Variants in HK2 observed in about 807,000 individuals in gnomAD.
HK2 encodes the protein hexokinase 2.
HK2 carries 42 observed loss-of-function variants against 92.9 expected under a neutral mutation model. That is an observed-to-expected ratio of 0.45 (90% confidence interval 0.35 to 0.58). The LOEUF (loss-of-function observed/expected upper bound fraction) is 0.58. Among genes scored for constraint, HK2 ranks in the 20% least tolerant of loss-of-function variants. The pLI is 0.00. For missense variants in HK2, 978 were observed against 1,245.1 expected, an observed-to-expected ratio of 0.79 and a Z score of 3.23; for synonymous variants, 422 against 468.0, an observed-to-expected ratio of 0.90 and a Z score of 1.27.
chr2:74,871,808 G>A (rs1357898641), intron 3 of HK2, among the ~76,000 whole-genome samples: 1 of 152,132 alleles, frequency 6.6e-6, no homozygotes, highest in South Asian at 2.1e-4. Flanking sequence ...AGAGAATGCT[G>A]TCCCTGCAAA....
rs377064972 is a variant in HK2 at position 74,843,548 on chromosome 2, C to T, written c.63+8905C>T. Among the ~76,000 whole-genome samples the T allele has an allele frequency of 1.2e-4, 18 of 152,244 alleles. No individual in the cohort carries two copies. In the South Asian group the frequency reaches 2.1e-3, roughly 18 times the overall value. On this transcript the variant is annotated intron_variant, in intron 1 of 17. Coordinates refer to ENST00000290573, the MANE Select transcript of HK2 (RefSeq NM_000189.5). ...CTGCCTTGGTTAAATCTTATCTCAG[C>T]GTTAACCAGGAGAGTGAGTCAGGCT...
chr2:74,882,605 T>TTATATATATATATATATA (rs141761906), intron 12 of HK2, among the ~76,000 whole-genome samples: 1,802 of 75,610 alleles, frequency 0.024, 302 homozygotes, highest in African/African-American at 0.035. Flanking sequence ...TCTATTGAAC[T>TTATATATATATATATATA]TATATATATA....
chr2:74,884,359 A>G (rs3771751), intron 12 of HK2, among the ~76,000 whole-genome samples: 103,266 of 152,192 alleles, frequency 0.68, 35,766 homozygotes, highest in African/African-American at 0.83. Flanking sequence ...GGGGTTAGAG[A>G]CCCCAGGGCT....
intron 1 of HK2, among the ~76,000 whole-genome samples, chr2:74,848,342 T>G (rs1377516526): frequency 6.6e-6 from 1 of 152,246 alleles, no homozygotes; most frequent in Non-Finnish European, 1.5e-5. Flanking sequence ...TTCTTAAAAT[T>G]TTTAAGAATT....
intron 2 of HK2, among the ~76,000 whole-genome samples, chr2:74,859,910 G>A (rs999988515): frequency 7.2e-5 from 11 of 152,150 alleles, no homozygotes; most frequent in Non-Finnish European, 1.6e-4. Context: ...GCAAAGATGT[G>A]GAGTCGATGC....
chr2:74,839,017 A>AC (rs1476096230), intron 1 of HK2, among the ~76,000 whole-genome samples: 1 of 152,214 alleles, frequency 6.6e-6, no homozygotes, highest in Non-Finnish European at 1.5e-5. Context: ...CCTGTAATAG[A>AC]CATAGCTCAT....
At chr2:74,882,864 G>A (rs1689437152) in intron 12 of HK2, among the ~76,000 whole-genome samples, 1 of 151,770 alleles carries the variant, frequency 6.6e-6, no homozygotes, top group African/African-American at 2.4e-5. Context: ...TTATGCTGTG[G>A]GGCTCCTGAG....
At position 74,889,275 on chromosome 2, in the gene HK2, C is replaced by T. The variant is rs1689613051; in HGVS notation, c.2406C>T (p.Ala802=). The change falls in exon 17 of 18, where the codon GCC becomes GCT. Residue 802 remains alanine (A), a synonymous_variant. Coordinates refer to ENST00000290573, the MANE Select transcript of HK2 (RefSeq NM_000189.5). ...GCCTGGCCCTGCTGCAAGTCCGAGC[C>T]ATCCTGCAACACTTAGGGCTTGAGA... ...SDCLALLQVR[A]ILQHLGLEST... 2 of 1,614,106 alleles carry T rather than the reference C, an allele frequency of 1.2e-6. No homozygotes were observed. Among genetic ancestry groups the T allele is most frequent in the African/African-American group, 1.3e-5 (1 of 74,930 alleles).
Position 74,867,649 on chromosome 2 carries a change from C to T in HK2, c.240C>T (p.Phe80=), listed in dbSNP as rs1688985943. Residue 80 remains phenylalanine, a synonymous_variant, in exon 3 of 18, where the codon TTC becomes TTT. Coordinates refer to ENST00000290573, the MANE Select transcript of HK2 (RefSeq NM_000189.5). ...CTTTCTCTGCAGAACACGGAGAGTT[C>T]CTGGCTCTGGATCTTGGAGGGACCA... is the stretch of plus-strand genomic sequence containing the variant. ...STPDGTEHGE[F]LALDLGGTNF... is the part of the protein sequence containing the mutation. 1.2e-6 allele frequency: 2 copies of T among 1,613,338 alleles called. No individual in the cohort carries two copies. The highest frequency in any genetic ancestry group is 1.3e-5 in the African/African-American group (1 of 74,856).
At chr2:74,869,133 A>G (rs1036650500) in intron 3 of HK2, among the ~76,000 whole-genome samples, 2 of 152,044 alleles carry the variant, frequency 1.3e-5, no homozygotes, top group Non-Finnish European at 2.9e-5. Flanking sequence ...AAAAAAAAAC[A>G]ACTATGAGAC....
chr2:74,881,755 CG>C lies in HK2; in HGVS notation c.1618del (p.Val540SerfsTer52), dbSNP rs917010921. 1.9e-6 allele frequency: 3 copies of C among 1,614,040 alleles called. No individual in the cohort carries two copies. Among genetic ancestry groups the C allele is most frequent in the Non-Finnish European group, 2.5e-6 (3 of 1,180,022 alleles). On this transcript the variant is annotated frameshift_variant, in exon 11 of 18. Coordinates refer to ENST00000290573, the MANE Select transcript of HK2 (RefSeq NM_000189.5). LOFTEE classifies it high-confidence loss of function. ...LALDLGGTNF[R>X]VLLVRVRNGK... ...CTTGGACCTTGGAGGAACAAATTTC[CG>C]GGTCCTGCTGGTCCGTGTTCGGAAT...
At chr2:74,869,177 T>G (rs1242622600) in intron 3 of HK2, among the ~76,000 whole-genome samples, 2 of 150,994 alleles carry the variant, frequency 1.3e-5, no homozygotes, top group Non-Finnish European at 2.9e-5. Context: ...GTTGAGATAT[T>G]AGAAAGATTT....
chr2:74,840,281 C>CTCAAAAAAAAGTTTAAAAAGTTTTTTTAA, intron 1 of HK2, among the ~76,000 whole-genome samples: 1 of 148,210 alleles, frequency 6.7e-6, no homozygotes, highest in East Asian at 2.0e-4. Context: ...TTTTAAACAT[C>CTCAAAAAAAAGTTTAAAAAGTTTTTTTAA]ACTTTTCAAA....
intron 8 of HK2, among the ~76,000 whole-genome samples, chr2:74,878,432 T>TGTGTGCGCACGCACATGCGTGTGC (rs1558801837): frequency 3.3e-5 from 5 of 150,560 alleles, no homozygotes; most frequent in African/African-American, 1.2e-4. Flanking sequence ...TGTGTGTGTG[T>TGTGTGCGCACGCACATGCGTGTGC]GTGTGTGCGC....
Position 74,892,091 on chromosome 2 carries a change from A to C in HK2, c.*1150A>C, listed in dbSNP as rs1367786794. 1 of 152,656 alleles carries C rather than the reference A, an allele frequency of 6.6e-6. No individual in the cohort carries two copies. The highest frequency in any genetic ancestry group is 1.5e-5 in the Non-Finnish European group (1 of 68,042). The allele number at this position is 152,656 out of a possible 1,614,324, so 9.5% of individuals were successfully genotyped here. A position where few individuals can be genotyped will look rare whatever the true frequency, so the allele number is the denominator to read the frequency against. The stretch of plus-strand genomic sequence containing the variant: ...ACCACAGCAATTGGCTCCTCCATCT[A>C]GAGATTTTCTTGGCAGTATTCCATG... On this transcript the variant is annotated 3_prime_UTR_variant, in exon 18 of 18. Coordinates refer to ENST00000290573, the MANE Select transcript of HK2 (RefSeq NM_000189.5).
intron 2 of HK2, 73 bp from the exon 3 acceptor site, chr2:74,867,563 G>T (rs1688983791): frequency 1.3e-6 from 2 of 1,557,950 alleles, no homozygotes; most frequent in Non-Finnish European, 1.8e-6. Flanking sequence ...GGAGGGACTT[G>T]GAGTTTTAAG....
chr2:74,885,420 G>A (rs1689498381), intron 12 of HK2, 74 bp from the exon 13 acceptor site: 1 of 1,001,772 alleles, frequency 1.0e-6, no homozygotes, highest in Non-Finnish European at 1.6e-6. Context: ...AGAGCTAGAA[G>A]CACAGCTGGA....
intron 15 of HK2, 38 bp from the exon 16 acceptor site, chr2:74,887,865 T>C (rs1264446915): frequency 6.2e-7 from 1 of 1,609,308 alleles, no homozygotes; most frequent in Non-Finnish European, 8.5e-7. Flanking sequence ...TCCCTCCACC[T>C]TCCTACTTAA....
Position 74,854,360 on chromosome 2 carries a change from G to T in HK2, c.131G>T (p.Arg44Leu), listed in dbSNP as rs201380686. The T allele has an allele frequency of 1.2e-6, 2 of 1,613,856 alleles. No homozygotes were observed. Among genetic ancestry groups the T allele is most frequent in the South Asian group, 1.1e-5 (1 of 91,066 alleles). ...CTCTTGGAGATCTCTAAGCGGTTCC[G>T]CAAGGAGATGGAGAAAGGGCTTGGA... is the stretch of plus-strand genomic sequence containing the variant. ...ETLLEISKRFRKEMEKGLGAT... is the reference protein window; with the variant it reads ...ETLLEISKRFLKEMEKGLGAT... Residue 44 changes from arginine (R) to leucine (L), a missense_variant, in exon 2 of 18, where the codon CGC (arginine) becomes CTC (leucine). Physicochemically the swap from Arg to Leu is moderately radical, Grantham distance 102. This residue lies in a region of HK2 where 189 missense variants were observed against 289.5 expected (regional missense o/e 0.65). Transcript: ENST00000290573.
Sources: gnomAD v4.1 joint callset for allele counts (sites outside exome capture counted in the v4.1 genomes callset) on GRCh38, gnomAD v4.1.1 for gene constraint, gnomAD v4.1.1 regional missense constraint, MANE v1.5 for transcripts, NCBI Gene and HGNC (gene_info 2026-07-23, HGNC 2026-07-21) for gene names.